NNT: variants seen among roughly 807,000 people sequenced by gnomAD.
The protein encoded by NNT is nicotinamide nucleotide transhydrogenase, also known as NAD(P) transhydrogenase, mitochondrial.
A neutral mutation model predicts 104.8 loss-of-function variants in NNT; 50 were observed. The ratio of observed to expected loss-of-function variants is 0.48; its 90% confidence interval spans 0.38 to 0.60. The LOEUF is 0.60. NNT is among the 20% of genes least tolerant of loss of function. NNT has a pLI of 0.00. For missense variants in NNT, 1,131 were observed against 1,330.7 expected (o/e 0.85, Z 2.33); for synonymous variants, 461 against 490.4 (o/e 0.94, Z 0.79).
At chr5:43,609,120 C>A in intron 1 of NNT, 23 bp from the exon 2 acceptor site, 1 of 1,155,770 alleles carries the variant, frequency 8.7e-7, no homozygotes, top group Non-Finnish European at 1.3e-6. Flanking sequence ...GGCATATATA[C>A]ATCCTATTTT....
chr5:43,605,433 G>A (rs1749158235), intron 1 of NNT, among the ~76,000 whole-genome samples: 1 of 146,482 alleles, frequency 6.8e-6, no homozygotes, highest in Admixed American at 6.9e-5. Flanking sequence ...GGAGAATGGC[G>A]TGAACCCGGG....
At chr5:43,666,102 T>A (rs1219044246) in intron 17 of NNT, among the ~76,000 whole-genome samples, 1 of 147,516 alleles carries the variant, frequency 6.8e-6, no homozygotes, top group Non-Finnish European at 1.5e-5. Context: ...GCTCCTCACT[T>A]CCCGGACTGG....
At chr5:43,682,992 C>T (rs1007968145) in intron 19 of NNT, among the ~76,000 whole-genome samples, 1 of 152,064 alleles carries the variant, frequency 6.6e-6, no homozygotes, top group African/African-American at 2.4e-5. Flanking sequence ...CTTGAAACAC[C>T]AGAGAACAGC....
In NNT at chr5:43,675,640, C is replaced by G; in HGVS notation, c.2764C>G (p.Arg922Gly). ...CCTTGACAATGCAATTGACATGATT[C>G]GAGAAGCTAATAGCATTATTATTAC... ...INLDNAIDMI[R>G]EANSIIITPG... Residue 922 changes from arginine to glycine, a missense_variant, in exon 18 of 22, where the codon CGA becomes GGA. By Grantham distance (125) the Arg-to-Gly change is moderately radical. Coordinates refer to ENST00000344920, the MANE Select transcript of NNT (RefSeq NM_182977.3). 1.2e-6 allele frequency: 2 copies of G among 1,605,818 alleles called. No individual in the cohort carries two copies. The highest frequency in any genetic ancestry group is 1.7e-6 in the Non-Finnish European group (2 of 1,176,386).
chr5:43,610,201 CT>C (rs3054076), intron 2 of NNT, among the ~76,000 whole-genome samples: 13,502 of 126,046 alleles, frequency 0.11, 1,028 homozygotes, highest in African/African-American at 0.22. Context: ...AACTGTCTGT[CT>C]TTTTTTTTTT....
chr5:43,690,517 A>T (rs999005385), intron 19 of NNT, among the ~76,000 whole-genome samples: 3 of 152,186 alleles, frequency 2.0e-5, no homozygotes, highest in Non-Finnish European at 4.4e-5. Context: ...TTGGTGTCCA[A>T]TATTACTTTT....
In NNT at chr5:43,644,559, G is replaced by T. The variant is rs961362330; in HGVS notation, c.1099-52G>T. 1.5e-5 allele frequency: 22 copies of T among 1,444,372 alleles called. No homozygotes were observed. In the South Asian group the frequency reaches 2.3e-4, roughly 15 times the overall value. 89.5% of individuals were successfully genotyped at this position (1,444,372 alleles called of 1,614,324 possible). A position where few individuals can be genotyped will look rare whatever the true frequency, so the allele number is the denominator to read the frequency against. ...ATATGAATGATAATTGTTCTAGAAT[G>T]AATGTGAACATAGGGTGATAGACCT... On this transcript the variant is annotated intron_variant, in intron 8 of 21. Transcript: ENST00000344920.
At position 43,705,427 on chromosome 5, in the gene NNT, T is replaced by C. The variant is rs1308798601; in HGVS notation, c.*1023T>C. 2.0e-5 allele frequency: 3 copies of C among 152,112 alleles called. No homozygotes were observed. Among genetic ancestry groups the C allele is most frequent in the Non-Finnish European group, 2.9e-5 (2 of 67,974 alleles). 9.4% of individuals were successfully genotyped at this position (152,112 alleles called of 1,614,324 possible). ...TGTAATTGATGACATTTGAGAGAAA[T>C]GGTGGCTTTTTTTAGCTACCTCTTT... On this transcript the variant is annotated 3_prime_UTR_variant, in exon 22 of 22. Transcript: ENST00000344920.
chr5:43,638,424 G>T (rs980712797), intron 7 of NNT, among the ~76,000 whole-genome samples: 7 of 152,096 alleles, frequency 4.6e-5, no homozygotes, highest in African/African-American at 1.7e-4. Context: ...GCAACATTAT[G>T]TTGTTATAAT....
At chr5:43,693,322 C>A (rs1186085175) in intron 19 of NNT, among the ~76,000 whole-genome samples, 6 of 152,104 alleles carry the variant, frequency 3.9e-5, no homozygotes, top group Non-Finnish European at 8.8e-5. Flanking sequence ...ATGCTTAAAC[C>A]TGCATATGAA....
chr5:43,666,308 G>A (rs1221410520), intron 17 of NNT, among the ~76,000 whole-genome samples: 1 of 152,144 alleles, frequency 6.6e-6, no homozygotes, highest in Non-Finnish European at 1.5e-5. Flanking sequence ...GCAACATTGA[G>A]CACTGAGTGA....
chr5:43,674,309 G>A (rs1191423244), intron 17 of NNT, among the ~76,000 whole-genome samples: 2 of 152,020 alleles, frequency 1.3e-5, no homozygotes, highest in East Asian at 3.9e-4. Flanking sequence ...CCCTGCCTTT[G>A]TCTGGGCCCT....
chr5:43,700,273 C>A, intron 20 of NNT, 36 bp downstream of exon 20: 2 of 1,460,206 alleles, frequency 1.4e-6, no homozygotes, highest in Non-Finnish European at 1.9e-6. Context: ...TTTAAATATT[C>A]TTACTATGAA....
rs564463028 is a variant in NNT at position 43,644,431 on chromosome 5, A to T, written c.1098+106A>T. On this transcript the variant is annotated intron_variant, in intron 8 of 21. Coordinates refer to ENST00000344920, the MANE Select transcript of NNT (RefSeq NM_182977.3). Reference sequence around the variant, plus strand: ...AGAGACATTAAGGCTTGAAATTTTAAAATTAAAAATAGGCATATTTAAAGC... The same window carrying T: ...AGAGACATTAAGGCTTGAAATTTTATAATTAAAAATAGGCATATTTAAAGC... The T allele has an allele frequency of 8.5e-6, 12 of 1,417,500 alleles. No individual in the cohort carries two copies. The South Asian group carries it at 1.5e-4, about 18-fold the overall frequency. The allele number at this position is 1,417,500 out of a possible 1,614,324, so 87.8% of individuals were successfully genotyped here.
At chr5:43,675,457 T>A (rs1741360686) in intron 17 of NNT, 54 bp from the exon 18 acceptor site, 1 of 1,508,666 alleles carries the variant, frequency 6.6e-7, no homozygotes. Context: ...ATTTGTACTA[T>A]TCTCACAAAG....
At chr5:43,686,358 T>A (rs1741990622) in intron 19 of NNT, among the ~76,000 whole-genome samples, 1 of 152,056 alleles carries the variant, frequency 6.6e-6, no homozygotes, top group Non-Finnish European at 1.5e-5. Context: ...TGGTTAAAAA[T>A]GGCCTTTTGA....
Position 43,631,962 on chromosome 5 carries a change from CT to C in NNT, c.964+3579del, listed in dbSNP as rs374955098. Among the ~76,000 whole-genome samples the C allele has an allele frequency of 7.7e-3, 562 of 73,140 alleles. 4 individuals are homozygous for C. Among genetic ancestry groups the C allele is most frequent in the African/African-American group, 0.029 (526 of 18,378 alleles). 48.0% of individuals were successfully genotyped at this position (73,140 alleles called of 152,430 possible). On this transcript the variant is annotated intron_variant, in intron 7 of 21. Coordinates refer to ENST00000344920, the MANE Select transcript of NNT (RefSeq NM_182977.3). ...GCTGGCTGAAAAAGGCCTTCAGTTTCTTTTGGGAAAAAAAAAAAAAAAAAAA... is the reference window on the plus strand; with the variant it reads ...GCTGGCTGAAAAAGGCCTTCAGTTTCTTTGGGAAAAAAAAAAAAAAAAAAA...
intron 14 of NNT, 108 bp downstream of exon 14, chr5:43,653,321 A>C: frequency 8.6e-6 from 9 of 1,052,134 alleles, no homozygotes; most frequent in Non-Finnish European, 8.0e-6. Flanking sequence ...AAGTTGCTTC[A>C]GTTAATATTA....
chr5:43,642,450 G>A (rs963104807), intron 7 of NNT, among the ~76,000 whole-genome samples: 8 of 152,210 alleles, frequency 5.3e-5, no homozygotes, highest in Admixed American at 5.2e-4. Context: ...ACGGAGGGTA[G>A]AGGAAAGGAA....
Sources: gnomAD v4.1 joint callset for allele counts (sites outside exome capture counted in the v4.1 genomes callset) on GRCh38, gnomAD v4.1.1 for gene constraint, MANE v1.5 for transcripts, NCBI Gene and HGNC (gene_info 2026-07-23, HGNC 2026-07-21) for gene names.